Variants in R3HDM2 observed in about 807,000 individuals in gnomAD.
R3HDM2 encodes the protein R3H domain-containing protein 2.
In R3HDM2, 38 loss-of-function variants were observed where a neutral mutation model predicts 124.5. That is an observed-to-expected ratio of 0.31 (90% confidence interval 0.24 to 0.40). The LOEUF (loss-of-function observed/expected upper bound fraction) is 0.40, where lower values mean the gene tolerates loss of function less well. R3HDM2 is among the 10% of genes least tolerant of loss of function. The pLI is 1.00. For synonymous variants in R3HDM2, 391 were observed against 448.0 expected, an observed-to-expected ratio of 0.87 and a Z score of 1.61; for missense variants, 869 against 1,236.9, an observed-to-expected ratio of 0.70 and a Z score of 4.46.
intron 1 of R3HDM2, 51 bp downstream of exon 1, chr12:57,430,668 TC>T: frequency 1.2e-6 from 1 of 843,864 alleles, no homozygotes; most frequent in Non-Finnish European, 1.4e-6. Flanking sequence ...CCACGCCCCC[TC>T]CCCACAGGCC....
rs189238033 is a variant in R3HDM2, at chr12:57,385,393, C to A, written c.-36+10356G>T. 3.4e-3 allele frequency among the ~76,000 whole-genome samples: 508 copies of A among 151,572 alleles called. 11 individuals are homozygous for A. Among genetic ancestry groups the A allele is most frequent in the Admixed American group, 0.03 (458 of 15,228 alleles). ...AGTAGCTGGGACTTACAGGCGCCTG[C>A]CACCACGCCCAGCTAATTTTTTGTA... On this transcript the variant is annotated intron_variant, in intron 2 of 23. Transcript: ENST00000402412.
chr12:57,370,316 G>C (rs1477802294), intron 2 of R3HDM2, among the ~76,000 whole-genome samples: 1 of 150,902 alleles, frequency 6.6e-6, no homozygotes, highest in African/African-American at 2.4e-5. Flanking sequence ...GCCTCCCCAG[G>C]CACGCGGAAC....
At chr12:57,400,596 A>T (rs973218082) in intron 1 of R3HDM2, among the ~76,000 whole-genome samples, 20 of 150,718 alleles carry the variant, frequency 1.3e-4, no homozygotes, top group Admixed American at 3.3e-4. Context: ...AATATATATT[A>T]AAAAAAAACA....
intron 2 of R3HDM2, among the ~76,000 whole-genome samples, chr12:57,345,498 TATACACAC>T (rs1422728169): frequency 2.2e-5 from 2 of 90,546 alleles, no homozygotes; most frequent in African/African-American, 8.8e-5. Flanking sequence ...ATATTTCTTT[TATACACAC>T]ACACACACAC....
At chr12:57,429,800 A>C (rs78037783) in intron 1 of R3HDM2, among the ~76,000 whole-genome samples, 5 of 150,982 alleles carry the variant, frequency 3.3e-5, no homozygotes, top group Non-Finnish European at 5.9e-5. Context: ...GAACAACAAC[A>C]AAAAAAAGCA....
chr12:57,338,688 T>C (rs1233118854), intron 2 of R3HDM2, among the ~76,000 whole-genome samples: 2 of 152,134 alleles, frequency 1.3e-5, no homozygotes, highest in Non-Finnish European at 2.9e-5. Flanking sequence ...TGAGCCACAA[T>C]GCCTGGTCCT....
In R3HDM2 at chr12:57,429,124, G is replaced by A. The variant is rs147461888; in HGVS notation, c.-106+1596C>T. Among the ~76,000 whole-genome samples the A allele has an allele frequency of 2.2e-3, 338 of 152,164 alleles. 2 individuals are homozygous for A. The highest frequency in any genetic ancestry group is 7.6e-3 in the African/African-American group (314 of 41,502). ...AGCTCTGCCAAGAGCAATGGCTCAC[G>A]CCTGTAATCCCAGTGCTTTTGGGAG... On this transcript the variant is annotated intron_variant, in intron 1 of 23. Coordinates refer to ENST00000402412, the MANE Select transcript of R3HDM2 (RefSeq NM_001394031.1).
intron 2 of R3HDM2, among the ~76,000 whole-genome samples, chr12:57,362,848 A>C (rs1046695378): frequency 6.6e-6 from 1 of 151,952 alleles, no homozygotes; most frequent in Non-Finnish European, 1.5e-5. Context: ...TTTGAGACAG[A>C]GTCTTGCGCT....
At chr12:57,400,126 T>C (rs1195129508) in intron 1 of R3HDM2, among the ~76,000 whole-genome samples, 1 of 152,160 alleles carries the variant, frequency 6.6e-6, no homozygotes, top group East Asian at 1.9e-4. Context: ...TAAAGACACA[T>C]GGACATGTAT....
chr12:57,365,414 G>A (rs1335393700), intron 2 of R3HDM2, among the ~76,000 whole-genome samples: 1 of 152,048 alleles, frequency 6.6e-6, no homozygotes, highest in African/African-American at 2.4e-5. Flanking sequence ...TGAATTTTAG[G>A]AGGGCTCAAT....
intron 3 of R3HDM2, among the ~76,000 whole-genome samples, chr12:57,307,139 G>A (rs370526624): frequency 3.5e-4 from 54 of 152,282 alleles, no homozygotes; most frequent in Non-Finnish European, 6.5e-4. Context: ...AGTTTCACTT[G>A]CTGATCCCAA....
At chr12:57,330,725 G>A (rs2058055007) in intron 2 of R3HDM2, among the ~76,000 whole-genome samples, 1 of 111,112 alleles carries the variant, frequency 9.0e-6, no homozygotes, top group Non-Finnish European at 1.7e-5. Context: ...TTGAGACGGA[G>A]TCTCGTTCTG....
intron 15 of R3HDM2, 131 bp from the exon 16 acceptor site, chr12:57,269,580 G>A: frequency 6.9e-7 from 1 of 1,454,722 alleles, no homozygotes; most frequent in Non-Finnish European, 9.3e-7. Flanking sequence ...TGCAATTGCA[G>A]TAAAACAAGG....
intron 22 of R3HDM2, 89 bp from the exon 23 acceptor site, chr12:57,256,163 C>A (rs1354932412): frequency 7.3e-7 from 1 of 1,364,306 alleles, no homozygotes. Flanking sequence ...TGTGGAGTAG[C>A]ACCAACCCAG....
At position 57,421,186 on chromosome 12, in the gene R3HDM2, C is replaced by T. The variant is rs909449723; in HGVS notation, c.-106+9534G>A. Among the ~76,000 whole-genome samples, 3 of 128,676 alleles carry T rather than the reference C, an allele frequency of 2.3e-5. No individual in the cohort carries two copies. In the Admixed American group the frequency reaches 2.6e-4, roughly 11 times the overall value. 84.4% of individuals were successfully genotyped at this position (128,676 alleles called of 152,430 possible). ...CTTTTTTTTTTTTTTTTTTCTGAGA[C>T]AGAGTTTTGCTCTTGTTGCCCAGGC... On this transcript the variant is annotated intron_variant, in intron 1 of 23. Transcript: ENST00000402412.
chr12:57,361,317 G>T (rs949007903), intron 2 of R3HDM2, among the ~76,000 whole-genome samples: 1 of 143,444 alleles, frequency 7.0e-6, no homozygotes, highest in Non-Finnish European at 1.5e-5. Context: ...GGAGGTTGCA[G>T]TGAGTCGAGA....
intron 2 of R3HDM2, among the ~76,000 whole-genome samples, chr12:57,360,264 G>C (rs1040562636): frequency 4.2e-4 from 64 of 151,502 alleles, no homozygotes; most frequent in Non-Finnish European, 8.1e-4. Flanking sequence ...CGGACCTCAG[G>C]TGAGCGACCC....
intron 1 of R3HDM2, among the ~76,000 whole-genome samples, chr12:57,399,785 CT>C (rs925614388): frequency 6.6e-6 from 1 of 152,166 alleles, no homozygotes; most frequent in Non-Finnish European, 1.5e-5. Flanking sequence ...ACCTTCCCCC[CT>C]GAAAGTTTTT....
At chr12:57,382,765 G>A (rs1265564347) in intron 2 of R3HDM2, among the ~76,000 whole-genome samples, 1 of 151,850 alleles carries the variant, frequency 6.6e-6, no homozygotes, top group Non-Finnish European at 1.5e-5. Flanking sequence ...GAACCCAGGA[G>A]GCGGAGCTTG....
Sources: allele counts gnomAD v4.1 joint callset (sites outside exome capture counted in the v4.1 genomes callset), GRCh38; gene constraint gnomAD v4.1.1; transcripts MANE v1.5; gene names NCBI Gene and HGNC (gene_info 2026-07-23, HGNC 2026-07-21).